The following MVB12B variants were observed in gnomAD, a reference collection of about 807,000 sequenced individuals.
MVB12B encodes ESCRT-I complex subunit MVB12B.
In MVB12B, 16 loss-of-function variants were observed where a neutral mutation model predicts 41.6. The ratio of observed to expected loss-of-function variants is 0.38; its 90% CI spans 0.26 to 0.58. MVB12B has a LOEUF of 0.58. Ranked by LOEUF, MVB12B falls within the 20% of genes least tolerant of loss-of-function variation. MVB12B has a pLI of 0.62. For synonymous variants in MVB12B, 133 were observed against 139.7 expected (o/e 0.95, Z 0.34); for missense variants, 274 against 380.2 (o/e 0.72, Z 2.32).
intron 8 of MVB12B, among the ~76,000 whole-genome samples, chr9:126,481,801 G>T (rs1352349400): frequency 6.6e-6 from 1 of 152,256 alleles, no homozygotes; most frequent in Non-Finnish European, 1.5e-5. Context: ...TTCCCTGGTT[G>T]TGAATGTTCT....
chr9:126,452,065 G>A (rs1453172036), intron 7 of MVB12B, among the ~76,000 whole-genome samples: 2 of 152,206 alleles, frequency 1.3e-5, no homozygotes, highest in African/African-American at 2.4e-5. Flanking sequence ...TGTGCATGTC[G>A]GAGGCAGGGG....
chr9:126,458,047 G>A (rs1833019555), intron 7 of MVB12B, among the ~76,000 whole-genome samples: 1 of 152,202 alleles, frequency 6.6e-6, no homozygotes, highest in South Asian at 2.1e-4. Context: ...CCCACCGTCA[G>A]TAGCCCTGCA....
intron 8 of MVB12B, among the ~76,000 whole-genome samples, chr9:126,482,785 TGCTGCTGCCGGGC>T (rs1833552589): frequency 6.6e-6 from 1 of 152,248 alleles, no homozygotes; most frequent in Non-Finnish European, 1.5e-5. Context: ...CTCGCGAATG[TGCTGCTGCCGGGC>T]GCTGCCACCT....
chr9:126,397,087 A>G (rs1245026962), intron 6 of MVB12B: 4 of 985,514 alleles, frequency 4.1e-6, no homozygotes, highest in Non-Finnish European at 3.6e-6. Context: ...GCTGAGGCCC[A>G]TCACTTGTAC....
rs761769045 is a variant in MVB12B at position 126,340,617 on chromosome 9, C to T, written c.191C>T (p.Thr64Ile). 14 of 1,614,142 alleles carry T rather than the reference C, an allele frequency of 8.7e-6. No individual in the cohort carries two copies. In the Middle Eastern group the frequency reaches 4.9e-4, roughly 57 times the overall value. Residue 64 changes from threonine to isoleucine, a missense_variant, in exon 2 of 10, where the codon ACA (threonine) becomes ATA (isoleucine). Coordinates refer to ENST00000361171, the MANE Select transcript of MVB12B (RefSeq NM_033446.3). This position sits in a 1 kb window ranked among gnomAD's most constrained non-coding sequence, Gnocchi z 4.0. ...GVVASRNRAP[T>I]GYDVVAQTAD... Reference sequence around the variant, plus strand: ...GTGGCTTCTCGGAACCGAGCCCCGACAGGCTATGACGTAGTAAGTCAAGAT... The same window carrying T: ...GTGGCTTCTCGGAACCGAGCCCCGATAGGCTATGACGTAGTAAGTCAAGAT...
intron 2 of MVB12B, among the ~76,000 whole-genome samples, chr9:126,369,275 T>A (rs1476217833): frequency 6.6e-6 from 1 of 152,258 alleles, no homozygotes; most frequent in African/African-American, 2.4e-5. Context: ...ATTTGTGAGA[T>A]TTGAAATAAA....
intron 6 of MVB12B, among the ~76,000 whole-genome samples, chr9:126,398,091 C>T (rs1831168173): frequency 6.6e-6 from 1 of 152,064 alleles, no homozygotes; most frequent in East Asian, 1.9e-4. Flanking sequence ...CGCCTTTGCT[C>T]CCGGTGCTCC....
At chr9:126,438,437 T>G (rs1354829513) in intron 7 of MVB12B, among the ~76,000 whole-genome samples, 1 of 152,212 alleles carries the variant, frequency 6.6e-6, no homozygotes, top group Non-Finnish European at 1.5e-5. Flanking sequence ...CAATGATAAT[T>G]CGTCTCTAAC....
chr9:126,477,595 A>T (rs533426418), intron 7 of MVB12B, among the ~76,000 whole-genome samples: 1 of 151,830 alleles, frequency 6.6e-6, no homozygotes, highest in East Asian at 1.9e-4. Flanking sequence ...TGCAGGGGAA[A>T]CTCCCCTTTA....
At chr9:126,411,354 G>C (rs1051865090) in intron 6 of MVB12B, among the ~76,000 whole-genome samples, 18 of 152,244 alleles carry the variant, frequency 1.2e-4, no homozygotes, top group South Asian at 4.2e-4. Context: ...CGTTTCATTT[G>C]GTTTCTTAAA....
intron 6 of MVB12B, among the ~76,000 whole-genome samples, chr9:126,420,498 T>C (rs1831971776): frequency 6.6e-6 from 1 of 151,196 alleles, no homozygotes; most frequent in South Asian, 2.1e-4. Context: ...CTCCTTCCGG[T>C]TCCAGCTCAA....
At chr9:126,375,227 G>A (rs561307044) in intron 2 of MVB12B, among the ~76,000 whole-genome samples, 23 of 152,244 alleles carry the variant, frequency 1.5e-4, no homozygotes, top group African/African-American at 5.3e-4. Flanking sequence ...TTAGGAGTGT[G>A]TGTTCTTTCT....
intron 2 of MVB12B, among the ~76,000 whole-genome samples, chr9:126,372,009 C>T (rs748350575): frequency 1.3e-5 from 2 of 152,198 alleles, no homozygotes; most frequent in East Asian, 1.9e-4. Flanking sequence ...TGCTAAAGAA[C>T]GCTCCACTCA....
At chr9:126,327,130 C>G in intron 1 of MVB12B, 120 bp downstream of exon 1, 1 of 432,400 alleles carries the variant, frequency 2.3e-6, no homozygotes, top group Non-Finnish European at 3.1e-6. Context: ...CCGGGCCGCG[C>G]CGAGGCCTGC....
In MVB12B at chr9:126,401,299, A is replaced by G. The variant is rs550611225; in HGVS notation, c.662+5602A>G. ...AGGCCTGGGTTGCCCGTAGGAGGTG[A>G]CGTGTTGCTCGCTATTGCAGTCATC... On this transcript the variant is annotated intron_variant, in intron 6 of 9. Transcript: ENST00000361171. Among the ~76,000 whole-genome samples the G allele has an allele frequency of 1.1e-4, 16 of 152,318 alleles. No homozygotes were observed. The Middle Eastern group carries it at 0.014, about 130-fold the overall frequency.
chr9:126,398,914 C>T (rs901744690), intron 6 of MVB12B, among the ~76,000 whole-genome samples: 1 of 152,250 alleles, frequency 6.6e-6, no homozygotes. Context: ...CGTTCATTCC[C>T]AGCTTTACTT....
chr9:126,490,224 A>T (rs190398236), intron 9 of MVB12B, among the ~76,000 whole-genome samples: 1 of 152,160 alleles, frequency 6.6e-6, no homozygotes. Context: ...TCTGCAGTCC[A>T]GGCGGGAGCT....
intron 7 of MVB12B, among the ~76,000 whole-genome samples, chr9:126,422,812 G>A (rs1486062777): frequency 3.9e-5 from 6 of 152,184 alleles, no homozygotes; most frequent in African/African-American, 1.4e-4. Context: ...ATAGAACAAT[G>A]GCATAATTCT....
rs1224296934 is a variant in MVB12B at position 126,486,168 on chromosome 9, C to T, written c.873+2136C>T. On this transcript the variant is annotated intron_variant, in intron 9 of 9. Coordinates refer to ENST00000361171, the MANE Select transcript of MVB12B (RefSeq NM_033446.3). This position sits in a 1 kb window ranked among gnomAD's most constrained non-coding sequence, Gnocchi z 4.7. Reference sequence around the variant, plus strand: ...AAATCATAAAAACCAACCTGATTGTCATATATAGATTTTTTTTTCTTTTTT... The same window carrying T: ...AAATCATAAAAACCAACCTGATTGTTATATATAGATTTTTTTTTCTTTTTT... Among the ~76,000 whole-genome samples the T allele has an allele frequency of 1.3e-5, 2 of 152,116 alleles. No homozygotes were observed. The highest frequency in any genetic ancestry group is 1.5e-5 in the Non-Finnish European group (1 of 68,028).
Sources: allele counts gnomAD v4.1 joint callset (sites outside exome capture counted in the v4.1 genomes callset), GRCh38; gene constraint gnomAD v4.1.1; non-coding constraint Gnocchi (gnomAD v3.1); transcripts MANE v1.5; gene names NCBI Gene and HGNC (gene_info 2026-07-23, HGNC 2026-07-21).